Variants in GCNT4 observed in about 807,000 individuals in gnomAD.
GCNT4 encodes glucosaminyl (N-acetyl) transferase 4, also known as beta-1,3-galactosyl-O-glycosyl-glycoprotein beta-1,6-N-acetylglucosaminyltransferase 4.
GCNT4 carries 17 observed loss-of-function variants against 31.3 expected under a neutral mutation model. That is an observed-to-expected ratio of 0.54 (90% CI 0.37 to 0.81). The LOEUF is 0.81. Ranked by LOEUF, GCNT4 falls within the 40% of genes least tolerant of loss-of-function variation. GCNT4 has a pLI of 0.00. For missense variants in GCNT4, 503 were observed against 525.5 expected (o/e 0.96, Z 0.42); for synonymous variants, 158 against 190.6 (o/e 0.83, Z 1.41).
the GCNT4 span, among the ~76,000 whole-genome samples, chr5:75,019,263 C>T: frequency 2.0e-5 from 3 of 152,108 alleles, no homozygotes; most frequent in East Asian, 5.8e-4. Flanking sequence ...CAGCCACCTG[C>T]AAACCAGGGA....
At chr5:75,050,177 C>T (rs558157771) in intron 2 of GCNT4, among the ~76,000 whole-genome samples, 94 of 152,318 alleles carry the variant, frequency 6.2e-4, no homozygotes, top group African/African-American at 2.2e-3. Context: ...ATCTCTGTTG[C>T]GTGATTATCA....
chr5:75,048,881 G>A (rs1206102574), intron 2 of GCNT4, among the ~76,000 whole-genome samples: 1 of 152,194 alleles, frequency 6.6e-6, no homozygotes, highest in Non-Finnish European at 1.5e-5. Context: ...ACTCAATAGA[G>A]GAGTGAAAGC....
chr5:75,047,342 T>C (rs1406698588), intron 3 of GCNT4, among the ~76,000 whole-genome samples: 2 of 152,202 alleles, frequency 1.3e-5, no homozygotes, highest in African/African-American at 4.8e-5. Context: ...AGGTGTTTTT[T>C]CCATTTTATT....
intron 3 of GCNT4, among the ~76,000 whole-genome samples, chr5:75,040,325 C>T (rs1483078191): frequency 6.6e-6 from 1 of 152,108 alleles, no homozygotes; most frequent in Non-Finnish European, 1.5e-5. Flanking sequence ...TTCTTCTGAG[C>T]ACTTGCTACA....
intron 2 of GCNT4, among the ~76,000 whole-genome samples, chr5:75,051,738 C>T (rs2149981296): frequency 6.6e-6 from 1 of 152,362 alleles, no homozygotes. Flanking sequence ...ACCCCACCTA[C>T]CTCTGTGCAG....
rs4704166 is a variant in GCNT4 at position 75,029,077 on chromosome 5, C to A, written c.961G>T (p.Val321Phe). The change falls in exon 4 of 4, where the codon GTT becomes TTT. Residue 321 changes from valine to phenylalanine, a missense_variant. Coordinates refer to ENST00000652361, the MANE Select transcript of GCNT4 (RefSeq NM_001366737.1). ...TTAGACCAGGCAAAAAAGTCTTGAA[C>A]GATGGAGTTGTTGAAAATATATTTA... The part of the protein sequence containing the change: ...FVKYIFNNSI[V>F]QDFFAWSKDT... 1.2e-6 allele frequency: 2 copies of A among 1,613,804 alleles called. No homozygotes were observed. The highest frequency in any genetic ancestry group is 2.2e-5 in the East Asian group (1 of 44,874).
At chr5:75,050,394 CAT>C (rs1176186975) in intron 2 of GCNT4, among the ~76,000 whole-genome samples, 3 of 152,176 alleles carry the variant, frequency 2.0e-5, no homozygotes, top group African/African-American at 4.8e-5. Context: ...ATCGCATTCA[CAT>C]ATGTCTAAGG....
At chr5:75,032,373 C>T (rs1743082435) in intron 3 of GCNT4, among the ~76,000 whole-genome samples, 1 of 152,204 alleles carries the variant, frequency 6.6e-6, no homozygotes, top group Admixed American at 6.5e-5. Flanking sequence ...ATCCCACAGG[C>T]ACTCAGCCTC....
intron 3 of GCNT4, among the ~76,000 whole-genome samples, chr5:75,045,908 G>T (rs1743428306): frequency 6.6e-6 from 1 of 152,048 alleles, no homozygotes; most frequent in South Asian, 2.1e-4. Context: ...AGAAAAGACA[G>T]GTCACTAGCT....
At chr5:75,018,581 A>G in the GCNT4 span, among the ~76,000 whole-genome samples, 1 of 151,298 alleles carries the variant, frequency 6.6e-6, no homozygotes, top group Non-Finnish European at 1.5e-5. Flanking sequence ...TGCTGGGATT[A>G]CAGGTGTGAG....
chr5:75,047,119 C>G (rs1743458238), intron 3 of GCNT4, among the ~76,000 whole-genome samples: 1 of 152,198 alleles, frequency 6.6e-6, no homozygotes, highest in Non-Finnish European at 1.5e-5. Context: ...GTGTTCAATT[C>G]TCACTGCATC....
At chr5:75,048,389 C>A (rs914776293) in intron 2 of GCNT4, among the ~76,000 whole-genome samples, 3 of 151,988 alleles carry the variant, frequency 2.0e-5, no homozygotes, top group Non-Finnish European at 4.4e-5. Context: ...TAACTGTATT[C>A]GTTAATTGAG....
downstream of GCNT4, among the ~76,000 whole-genome samples, chr5:75,024,525 G>A (rs557798753): frequency 6.6e-6 from 1 of 152,274 alleles, no homozygotes; most frequent in East Asian, 1.9e-4. Context: ...GCTTCTCAGC[G>A]GGTGGGGGTT....
intron 3 of GCNT4, among the ~76,000 whole-genome samples, chr5:75,031,215 C>T (rs1743054726): frequency 6.6e-6 from 1 of 152,100 alleles, no homozygotes; most frequent in South Asian, 2.1e-4. Flanking sequence ...GCTAGAACCA[C>T]AGGTGTGTGC....
At chr5:75,053,187 C>G (rs1005071011), upstream of GCNT4, among the ~76,000 whole-genome samples, 1 of 150,580 alleles carries the variant, frequency 6.6e-6, no homozygotes, top group African/African-American at 2.5e-5. Flanking sequence ...CCGCGGGGAG[C>G]CCCGAAGTTG....
chr5:75,037,517 A>G (rs1352637414), intron 3 of GCNT4, among the ~76,000 whole-genome samples: 1 of 152,232 alleles, frequency 6.6e-6, no homozygotes, highest in Non-Finnish European at 1.5e-5. Context: ...TTCTCAAATA[A>G]TAATAAGATA....
upstream of GCNT4, chr5:75,052,643 G>GC (rs1743602269): frequency 6.6e-6 from 1 of 152,078 alleles, no homozygotes; most frequent in Admixed American, 6.5e-5. Context: ...CGCAGCTTCC[G>GC]CCCCCAAAGA....
At chr5:75,049,845 T>C (rs1032964286) in intron 2 of GCNT4, among the ~76,000 whole-genome samples, 1 of 152,222 alleles carries the variant, frequency 6.6e-6, no homozygotes, top group African/African-American at 2.4e-5. Flanking sequence ...CTGTATGGGC[T>C]TGGACAGGTT....
At chr5:75,033,516 AG>A (rs1743122987) in intron 3 of GCNT4, among the ~76,000 whole-genome samples, 1 of 152,118 alleles carries the variant, frequency 6.6e-6, no homozygotes, top group African/African-American at 2.4e-5. Flanking sequence ...CCTTCGCCCA[AG>A]GCATCTTTAA....
Sources: allele counts gnomAD v4.1 joint callset (sites outside exome capture counted in the v4.1 genomes callset), GRCh38; gene constraint gnomAD v4.1.1; transcripts MANE v1.5; gene names NCBI Gene and HGNC (gene_info 2026-07-23, HGNC 2026-07-21).